Variants in ZNF248 observed in about 807,000 individuals in gnomAD.
The protein encoded by ZNF248 is zinc finger protein 248, also known as KRAB protein domain.
Under a neutral mutation model 44.3 loss-of-function variants are expected in ZNF248, and 20 were observed. That is an observed-to-expected ratio of 0.45 (90% confidence interval 0.32 to 0.66). The LOEUF (loss-of-function observed/expected upper bound fraction) is 0.66. Among genes scored for constraint, ZNF248 ranks in the 30% least tolerant of loss-of-function variants. ZNF248 has a pLI of 0.04. For missense variants in ZNF248, 654 were observed against 677.0 expected (o/e 0.97, Z 0.38); for synonymous variants, 224 against 229.0 (o/e 0.98, Z 0.20).
chr10:37,827,188 C>A (rs1278637914), downstream of ZNF248, among the ~76,000 whole-genome samples: 1 of 152,166 alleles, frequency 6.6e-6, no homozygotes, highest in Non-Finnish European at 1.5e-5. Flanking sequence ...TATCAGAGAT[C>A]CACAAGAATA....
the ZNF248 span, among the ~76,000 whole-genome samples, chr10:37,758,639 TTAAAC>T: frequency 6.6e-6 from 1 of 152,224 alleles, no homozygotes; most frequent in Non-Finnish European, 1.5e-5. Context: ...CCCTATATCT[TTAAAC>T]TAAATTCTCA....
downstream of ZNF248, among the ~76,000 whole-genome samples, chr10:37,775,850 G>C (rs1027572587): frequency 8.5e-5 from 13 of 152,152 alleles, no homozygotes; most frequent in East Asian, 1.3e-3. Flanking sequence ...TCTGTTTTAA[G>C]ATTGTTTGCT....
chr10:37,822,531 A>T (rs1211890104), intron 6 of ZNF248, among the ~76,000 whole-genome samples: 1 of 152,150 alleles, frequency 6.6e-6, no homozygotes, highest in Non-Finnish European at 1.5e-5. Context: ...CTCTTCACTG[A>T]ACTGTGTACC....
downstream of ZNF248, among the ~76,000 whole-genome samples, chr10:37,772,539 G>T (rs1016450891): frequency 1.3e-5 from 2 of 152,174 alleles, no homozygotes; most frequent in Admixed American, 6.5e-5. Context: ...CAGATAAAAA[G>T]AATGTATTAT....
chr10:37,831,568 T>C lies in ZNF248; in HGVS notation c.*47A>G, dbSNP rs773383783. ...CTTTGGCTTTCTCTGATCTCCTTTT[T>C]TGAAACTGTATAACCAATTTCACAA... On this transcript the variant is annotated 3_prime_UTR_variant, in exon 6 of 6. Transcript: ENST00000395867. 17 of 1,564,854 alleles carry C rather than the reference T, an allele frequency of 1.1e-5. No individual in the cohort carries two copies. The African/African-American group carries it at 2.2e-4, about 20-fold the overall frequency.
intron 6 of ZNF248, among the ~76,000 whole-genome samples, chr10:37,777,095 A>G (rs2046660600): frequency 6.6e-6 from 1 of 152,210 alleles, no homozygotes; most frequent in Non-Finnish European, 1.5e-5. Context: ...GGGATGTGCT[A>G]TACAAAATGG....
At chr10:37,802,660 T>C (rs1368068370) in intron 6 of ZNF248, among the ~76,000 whole-genome samples, 1 of 152,152 alleles carries the variant, frequency 6.6e-6, no homozygotes, top group Non-Finnish European at 1.5e-5. Flanking sequence ...TTCCTAATGA[T>C]AGTACTTGTC....
intron 6 of ZNF248, among the ~76,000 whole-genome samples, chr10:37,822,710 C>T (rs2133672857): frequency 6.6e-6 from 1 of 152,034 alleles, no homozygotes; most frequent in Non-Finnish European, 1.5e-5. Context: ...ATGTCTTTGG[C>T]CACATATAAA....
intron 6 of ZNF248, among the ~76,000 whole-genome samples, chr10:37,811,662 C>G (rs1009582832): frequency 1.4e-5 from 2 of 141,064 alleles, no homozygotes; most frequent in African/African-American, 5.3e-5. Flanking sequence ...TGGCAAAACC[C>G]TGTCTCTACA....
At chr10:37,844,433 G>C (rs993331813) in intron 3 of ZNF248, among the ~76,000 whole-genome samples, 1 of 151,952 alleles carries the variant, frequency 6.6e-6, no homozygotes, top group African/African-American at 2.4e-5. Flanking sequence ...TAAAAAAAAT[G>C]TAAGTACAAA....
At chr10:37,801,846 A>G (rs1233016354) in intron 6 of ZNF248, among the ~76,000 whole-genome samples, 3 of 152,208 alleles carry the variant, frequency 2.0e-5, no homozygotes, top group African/African-American at 7.2e-5. Context: ...CAGACCATTC[A>G]GCCTTCTTCT....
downstream of ZNF248, among the ~76,000 whole-genome samples, chr10:37,823,827 G>T (rs1197407406): frequency 6.6e-6 from 1 of 152,050 alleles, no homozygotes; most frequent in East Asian, 1.9e-4. Flanking sequence ...ACCCACCTCG[G>T]CCTCCCAAAT....
chr10:37,815,089 T>TG (rs1185057848), intron 6 of ZNF248, among the ~76,000 whole-genome samples: 2 of 152,106 alleles, frequency 1.3e-5, no homozygotes, highest in Non-Finnish European at 2.9e-5. Context: ...TTTTTTGAGA[T>TG]GGAGTCTCGT....
chr10:37,811,680 A>AT (rs1564513515), intron 6 of ZNF248, among the ~76,000 whole-genome samples: 31 of 142,474 alleles, frequency 2.2e-4, no homozygotes, highest in East Asian at 6.1e-4. Flanking sequence ...ACAAAAAAAA[A>AT]AATATATATA....
intron 6 of ZNF248, among the ~76,000 whole-genome samples, chr10:37,779,141 G>A (rs1472112440): frequency 6.6e-6 from 1 of 151,168 alleles, no homozygotes; most frequent in Non-Finnish European, 1.5e-5. Flanking sequence ...AGAAAAAGAG[G>A]GAATCCTCCC....
rs1331755078 is a variant in ZNF248 at position 37,838,144 on chromosome 10, T to A, written c.16-33A>T. ...AGTATACTCTTTTTACATGAAATGG[T>A]CAGAACTAGATGATACAGAAAAGAT... On this transcript the variant is annotated intron_variant, in intron 3 of 5. Coordinates refer to ENST00000395867, the MANE Select transcript of ZNF248 (RefSeq NM_021045.3). 3 of 1,596,084 alleles carry A rather than the reference T, an allele frequency of 1.9e-6. No homozygotes were observed. In the South Asian group the frequency reaches 3.4e-5, roughly 18 times the overall value.
At chr10:37,849,480 C>T (rs1318141627) in intron 3 of ZNF248, among the ~76,000 whole-genome samples, 3 of 151,910 alleles carry the variant, frequency 2.0e-5, no homozygotes, top group Admixed American at 6.5e-5. Flanking sequence ...GTCAGGAGTT[C>T]AAGGCCAGCC....
chr10:37,800,445 GATCTCATTC>G (rs1365003064), intron 6 of ZNF248, among the ~76,000 whole-genome samples: 1 of 152,158 alleles, frequency 6.6e-6, no homozygotes, highest in Non-Finnish European at 1.5e-5. Flanking sequence ...CAAAAGACAT[GATCTCATTC>G]ATTTTTATGG....
At chr10:37,766,755 C>T in the ZNF248 span, among the ~76,000 whole-genome samples, 33 of 152,198 alleles carry the variant, frequency 2.2e-4, 1 homozygote, top group South Asian at 5.0e-3. Flanking sequence ...TCACCAGCAA[C>T]GGAAGAAAGC....
Sources: allele counts gnomAD v4.1 joint callset (sites outside exome capture counted in the v4.1 genomes callset), GRCh38; gene constraint gnomAD v4.1.1; transcripts MANE v1.5; gene names NCBI Gene and HGNC (gene_info 2026-07-23, HGNC 2026-07-21).